Variants in STARD13 observed in about 807,000 individuals in gnomAD.
The protein encoded by STARD13 is stAR-related lipid transfer protein 13.
A neutral mutation model predicts 106.4 loss-of-function variants in STARD13; 62 were observed. The ratio of observed to expected loss-of-function variants is 0.58; its 90% CI spans 0.48 to 0.72. The LOEUF is 0.72. Ranked by LOEUF, STARD13 falls within the 30% of genes least tolerant of loss-of-function variation. STARD13 has a pLI of 0.00. For synonymous variants in STARD13, 565 were observed against 553.0 expected, an observed-to-expected ratio of 1.02 and a Z score of -0.31; for missense variants, 1,387 against 1,424.0, an observed-to-expected ratio of 0.97 and a Z score of 0.42.
the STARD13 span, among the ~76,000 whole-genome samples, chr13:33,443,234 A>G: frequency 6.6e-6 from 1 of 152,074 alleles, no homozygotes; most frequent in African/African-American, 2.4e-5. Flanking sequence ...AAAATTAGCC[A>G]GGCGTGGTGG....
At chr13:33,337,954 G>T (rs1044255262) in intron 1 of STARD13, among the ~76,000 whole-genome samples, 4 of 152,198 alleles carry the variant, frequency 2.6e-5, no homozygotes, top group Non-Finnish European at 5.9e-5. Context: ...TGACTGCAGA[G>T]GTCACATGAC....
chr13:33,293,985 A>C (rs1165225469), intron 1 of STARD13, among the ~76,000 whole-genome samples: 1 of 152,150 alleles, frequency 6.6e-6, no homozygotes, highest in African/African-American at 2.4e-5. Flanking sequence ...AACCCTGACT[A>C]ATGCAAAGAC....
At chr13:33,555,647 G>GT in the STARD13 span, among the ~76,000 whole-genome samples, 1 of 152,180 alleles carries the variant, frequency 6.6e-6, no homozygotes, top group East Asian at 1.9e-4. Flanking sequence ...AATGGAAAGA[G>GT]TAAACAACTT....
At chr13:33,652,437 A>T in the STARD13 span, among the ~76,000 whole-genome samples, 2 of 152,256 alleles carry the variant, frequency 1.3e-5, no homozygotes, top group African/African-American at 4.8e-5. Context: ...CAAAATCTCT[A>T]GATTCTAAAC....
At position 33,182,842 on chromosome 13, in the gene STARD13, G is replaced by T. The variant is rs73459220; in HGVS notation, c.170-15220C>A. On this transcript the variant is annotated intron_variant, in intron 1 of 13. Coordinates refer to ENST00000336934, the MANE Select transcript of STARD13 (RefSeq NM_178006.4). ...TTCATTCTCTTTCAAACTCCTTCACGTCTCCCTGTCACCTGCAGAATAAAG... is the reference window on the plus strand; with the variant it reads ...TTCATTCTCTTTCAAACTCCTTCACTTCTCCCTGTCACCTGCAGAATAAAG... 1.4e-3 allele frequency among the ~76,000 whole-genome samples: 216 copies of T among 152,226 alleles called. 1 individual carries two copies. Among genetic ancestry groups the T allele is most frequent in the African/African-American group, 5.1e-3 (212 of 41,536 alleles).
chr13:33,370,929 A>G, the STARD13 span, among the ~76,000 whole-genome samples: 2 of 151,976 alleles, frequency 1.3e-5, no homozygotes, highest in Non-Finnish European at 2.9e-5. Flanking sequence ...CCACTTTGAC[A>G]TATTTTCTTT....
At chr13:33,664,414 C>T in the STARD13 span, among the ~76,000 whole-genome samples, 16 of 152,206 alleles carry the variant, frequency 1.1e-4, no homozygotes, top group Non-Finnish European at 1.8e-4. Flanking sequence ...TGAGGGTTTT[C>T]TCTCTGAAAA....
In STARD13 at chr13:33,338,862, GC is replaced by G. The variant is rs550580228; in HGVS notation, c.124+11427del. Among the ~76,000 whole-genome samples the G allele has an allele frequency of 5.5e-3, 797 of 145,674 alleles. 7 individuals are homozygous for G. The highest frequency in any genetic ancestry group is 0.01 in the Non-Finnish European group (670 of 66,890). On this transcript the variant is annotated intron_variant, in intron 1 of 5. Coordinates refer to the STARD13 transcript ENST00000567873. ...ATCGCGGCACTGCACTCCAGCCTGGGCGACAGAACGAGACTCCGTCTCAAAA... is the reference window on the plus strand; with the variant it reads ...ATCGCGGCACTGCACTCCAGCCTGGGGACAGAACGAGACTCCGTCTCAAAA...
At chr13:33,555,197 C>T in the STARD13 span, among the ~76,000 whole-genome samples, 1 of 152,230 alleles carries the variant, frequency 6.6e-6, no homozygotes, top group Non-Finnish European at 1.5e-5. Context: ...GGTGCCCTCT[C>T]AATCCATTCC....
At chr13:33,213,693 T>C (rs1887859876) in intron 1 of STARD13, among the ~76,000 whole-genome samples, 2 of 152,358 alleles carry the variant, frequency 1.3e-5, no homozygotes, top group Non-Finnish European at 2.9e-5. Context: ...AGATTGGATT[T>C]GCCTCTTGCA....
At chr13:33,642,093 A>G in the STARD13 span, among the ~76,000 whole-genome samples, 1 of 152,176 alleles carries the variant, frequency 6.6e-6, no homozygotes, top group Non-Finnish European at 1.5e-5. Flanking sequence ...ACTGAAAAAC[A>G]TTGTATTGAT....
the STARD13 span, among the ~76,000 whole-genome samples, chr13:33,500,471 T>C: frequency 6.6e-6 from 1 of 152,202 alleles, no homozygotes; most frequent in African/African-American, 2.4e-5. Context: ...CCTATGTCAT[T>C]TGATGCCTGT....
chr13:33,249,276 C>T (rs1424040833), intron 1 of STARD13, among the ~76,000 whole-genome samples: 2 of 152,204 alleles, frequency 1.3e-5, no homozygotes, highest in East Asian at 1.9e-4. Flanking sequence ...AACACACTAA[C>T]TCACGATGAC....
chr13:33,350,732 T>G (rs1213631312), upstream of STARD13: 217 of 801,418 alleles, frequency 2.7e-4, 1 homozygote, highest in Non-Finnish European at 3.0e-4. Context: ...TCCCCTGCCC[T>G]CCCCCTGGCT....
At chr13:33,633,877 C>T in the STARD13 span, among the ~76,000 whole-genome samples, 22 of 152,280 alleles carry the variant, frequency 1.4e-4, no homozygotes, top group East Asian at 4.1e-3. Flanking sequence ...ATTTTCCCTC[C>T]TGACCACCCT....
At chr13:33,640,188 G>A in the STARD13 span, among the ~76,000 whole-genome samples, 1 of 152,192 alleles carries the variant, frequency 6.6e-6, no homozygotes, top group African/African-American at 2.4e-5. Flanking sequence ...TTCTCATTGT[G>A]ATCTCTACAC....
chr13:33,511,344 C>T, the STARD13 span: 2 of 151,810 alleles, frequency 1.3e-5, no homozygotes, highest in African/African-American at 2.4e-5. Flanking sequence ...TTTCTGCAGT[C>T]CAAGATATAT....
At chr13:33,605,742 T>C in the STARD13 span, among the ~76,000 whole-genome samples, 1 of 152,184 alleles carries the variant, frequency 6.6e-6, no homozygotes, top group Non-Finnish European at 1.5e-5. Flanking sequence ...TGATGTGTAG[T>C]TATGTTGTTT....
chr13:33,358,284 CAGCCCG>C, the STARD13 span, among the ~76,000 whole-genome samples: 2 of 152,220 alleles, frequency 1.3e-5, no homozygotes, highest in Non-Finnish European at 2.9e-5. Flanking sequence ...GGCTCCTGTG[CAGCCCG>C]AGCCTCCCCG....
Sources: allele counts gnomAD v4.1 joint callset (sites outside exome capture counted in the v4.1 genomes callset), GRCh38; gene constraint gnomAD v4.1.1; transcripts MANE v1.5; gene names NCBI Gene and HGNC (gene_info 2026-07-23, HGNC 2026-07-21).